Variants in MAP3K9 observed in about 807,000 individuals in gnomAD.
MAP3K9 encodes mitogen-activated protein kinase kinase kinase 9, also known as mixed lineage kinase 1 (tyr and ser/thr specificity).
MAP3K9 carries 46 observed loss-of-function variants against 95.8 expected under a neutral mutation model. That is an observed-to-expected ratio of 0.48 (90% CI 0.38 to 0.61). MAP3K9 has a LOEUF of 0.61. MAP3K9 is among the 20% of genes least tolerant of loss of function. MAP3K9 has a pLI of 0.00. For synonymous variants in MAP3K9, 533 were observed against 593.8 expected (o/e 0.90, Z 1.49); for missense variants, 1,296 against 1,474.3 (o/e 0.88, Z 1.98).
chr14:70,803,848 C>T (rs1013443274), intron 1 of MAP3K9, among the ~76,000 whole-genome samples: 18 of 152,336 alleles, frequency 1.2e-4, no homozygotes, highest in Admixed American at 4.6e-4. Flanking sequence ...AATTTCAGTA[C>T]TACAGAGGCT....
Position 70,732,522 on chromosome 14 carries a change from A to C in MAP3K9, c.2830+17T>G. On this transcript the variant is annotated intron_variant, in intron 11 of 11. Coordinates refer to ENST00000554752, the MANE Select transcript of MAP3K9 (RefSeq NM_001284230.2). ...GAGGCACAAAGAAAGGAAAGAGAAA[A>C]GAGGAAGAAGACTCACCTGCTCCAG... is the stretch of plus-strand genomic sequence containing the variant. The C allele has an allele frequency of 6.6e-7, 1 of 1,522,064 alleles. No individual in the cohort carries two copies. 94.3% of individuals were successfully genotyped at this position (1,522,064 alleles called of 1,614,324 possible). A position where few individuals can be genotyped will look rare whatever the true frequency, so the allele number is the denominator to read the frequency against.
chr14:70,765,552 T>C lies in MAP3K9; in HGVS notation c.821-4370A>G, dbSNP rs146753062. ...TTACTGTACCTTTTCTACGTATAGA[T>C]ACATTTAGGTACACAAAGTCTTAGC... On this transcript the variant is annotated intron_variant, in intron 2 of 11. Transcript: ENST00000554752. The C allele has an allele frequency of 5.3e-5, 32 of 599,752 alleles. No individual in the cohort carries two copies. In the East Asian group the frequency reaches 8.4e-4, roughly 16 times the overall value. 37.2% of individuals were successfully genotyped at this position (599,752 alleles called of 1,614,324 possible). A position where few individuals can be genotyped will look rare whatever the true frequency, so the allele number is the denominator to read the frequency against.
Position 70,722,727 on chromosome 14 carries a change from T to G in MAP3K9, c.*7653A>C, listed in dbSNP as rs2053770538. ...GAACCTGGTAAGTTTCCTTCAGGACTTTTTCATCTTTAAATATTGTTGACA... is the reference window on the plus strand; with the variant it reads ...GAACCTGGTAAGTTTCCTTCAGGACGTTTTCATCTTTAAATATTGTTGACA... On this transcript the variant is annotated 3_prime_UTR_variant, in exon 12 of 12. Transcript: ENST00000554752. The G allele has an allele frequency of 6.7e-6, 1 of 150,304 alleles. No homozygotes were observed. The highest frequency in any genetic ancestry group is 2.1e-4 in the South Asian group (1 of 4,782). 9.3% of individuals were successfully genotyped at this position (150,304 alleles called of 1,614,324 possible).
chr14:70,763,925 C>T (rs963381623), intron 2 of MAP3K9, among the ~76,000 whole-genome samples: 1 of 151,778 alleles, frequency 6.6e-6, no homozygotes, highest in Non-Finnish European at 1.5e-5. Flanking sequence ...GTGGCTCACG[C>T]CTGTAATCCC....
chr14:70,808,080 C>A (rs1372639020), intron 1 of MAP3K9, among the ~76,000 whole-genome samples: 3 of 152,228 alleles, frequency 2.0e-5, no homozygotes, highest in Non-Finnish European at 4.4e-5. Context: ...GGGGGAACGA[C>A]ATACTTTTTC....
intron 2 of MAP3K9, among the ~76,000 whole-genome samples, chr14:70,764,557 G>A (rs986746175): frequency 3.2e-4 from 48 of 151,976 alleles, no homozygotes; most frequent in Non-Finnish European, 7.4e-5. Context: ...TAGGCTGAGG[G>A]TGGTGGCTCA....
chr14:70,798,113 C>G (rs1394764317), intron 2 of MAP3K9, among the ~76,000 whole-genome samples: 2 of 152,228 alleles, frequency 1.3e-5, no homozygotes, highest in Non-Finnish European at 2.9e-5. Context: ...GAATGACACT[C>G]AGGTCTCTTG....
rs762755525 is a variant in MAP3K9 at position 70,761,081 on chromosome 14, T to C, written c.922A>G (p.Ser308Gly). The C allele has an allele frequency of 6.2e-7, 1 of 1,614,076 alleles. No individual in the cohort carries two copies. The highest frequency in any genetic ancestry group is 8.5e-7 in the Non-Finnish European group (1 of 1,179,980). ...AREWHRTTKM[S>G]AAGTYAWMAP... is the part of the protein sequence containing the mutation. ...ATCCAAGCATACGTCCCTGCCGCAC[T>C]CATCTTGGTGGTTCGGTGCCATTCC... Residue 308 changes from serine to glycine, a missense_variant, in exon 3 of 12, where the codon AGT becomes GGT. By Grantham distance (56) the Ser-to-Gly change is moderately conservative. Around this residue, in one of 5 missense-constraint regions of MAP3K9, gnomAD observed 136 missense variants for 221.5 expected, o/e 0.61. Transcript: ENST00000554752.
chr14:70,737,106 T>C (rs1223213054), intron 8 of MAP3K9, among the ~76,000 whole-genome samples: 1 of 152,220 alleles, frequency 6.6e-6, no homozygotes, highest in East Asian at 1.9e-4. Flanking sequence ...CTCGCACTTA[T>C]TTAATAGAAA....
At chr14:70,756,220 A>G (rs1429913269) in intron 3 of MAP3K9, among the ~76,000 whole-genome samples, 1 of 152,034 alleles carries the variant, frequency 6.6e-6, no homozygotes, top group Non-Finnish European at 1.5e-5. Context: ...TTCCCTTCCC[A>G]CTGGGAAGGT....
intron 2 of MAP3K9, among the ~76,000 whole-genome samples, chr14:70,794,224 T>C (rs1885587278): frequency 6.6e-6 from 1 of 152,204 alleles, no homozygotes; most frequent in African/African-American, 2.4e-5. Context: ...TCATTTAAGC[T>C]GACATCTGAA....
intron 2 of MAP3K9, among the ~76,000 whole-genome samples, chr14:70,780,248 G>A (rs1372234439): frequency 2.0e-5 from 3 of 152,178 alleles, no homozygotes; most frequent in Admixed American, 2.0e-4. Context: ...CATGAGGTGT[G>A]GATTTCTGCT....
intron 2 of MAP3K9, among the ~76,000 whole-genome samples, chr14:70,768,105 TA>T (rs1435124761): frequency 6.6e-6 from 1 of 152,130 alleles, no homozygotes; most frequent in Non-Finnish European, 1.5e-5. Flanking sequence ...ACAGGGTGAC[TA>T]TAGTCAAAAT....
At chr14:70,798,436 TAGG>T in intron 2 of MAP3K9, among the ~76,000 whole-genome samples, 1 of 149,998 alleles carries the variant, frequency 6.7e-6, no homozygotes, top group Non-Finnish European at 1.5e-5. Flanking sequence ...AAGCAATCTC[TAGG>T]TAGAAATTAC....
intron 3 of MAP3K9, among the ~76,000 whole-genome samples, chr14:70,757,596 C>T (rs1241125567): frequency 6.6e-6 from 1 of 151,960 alleles, no homozygotes; most frequent in African/African-American, 2.4e-5. Context: ...CTCAGAATGG[C>T]CAAAACAATC....
In MAP3K9 at chr14:70,733,356, A is replaced by G; in HGVS notation, c.2027-14T>C. 9.0e-7 allele frequency: 1 copy of G among 1,111,848 alleles called. No homozygotes were observed. Among genetic ancestry groups the G allele is most frequent in the Non-Finnish European group, 1.3e-6 (1 of 768,600 alleles). 68.9% of individuals were successfully genotyped at this position (1,111,848 alleles called of 1,614,324 possible). A position where few individuals can be genotyped will look rare whatever the true frequency, so the allele number is the denominator to read the frequency against. On this transcript the variant is annotated splice_polypyrimidine_tract_variant and intron_variant, in intron 10 of 11. Transcript: ENST00000554752. ...TGTCCTCATCCTCTGTGAAGATGAC[A>G]AGAGTGGAAGAGAAACAGGAAATGG...
chr14:70,762,850 C>T (rs2139785014), intron 2 of MAP3K9, among the ~76,000 whole-genome samples: 1 of 152,262 alleles, frequency 6.6e-6, no homozygotes, highest in South Asian at 2.1e-4. Flanking sequence ...ATGTTTTCTT[C>T]CAAAAGTTTT....
intron 11 of MAP3K9, among the ~76,000 whole-genome samples, chr14:70,731,800 A>C (rs1000479838): frequency 2.6e-5 from 4 of 152,256 alleles, no homozygotes; most frequent in African/African-American, 7.2e-5. Flanking sequence ...ACTGTTGTTG[A>C]CACTTAAATC....
In MAP3K9 at chr14:70,728,222, A is replaced by T. The variant is rs2053846458; in HGVS notation, c.*2158T>A. On this transcript the variant is annotated 3_prime_UTR_variant, in exon 12 of 12. Coordinates refer to ENST00000554752, the MANE Select transcript of MAP3K9 (RefSeq NM_001284230.2). ...CTGCAACCTCCGCCTCCCAGGTTCAAGCGATTCTCCTGCCTCAGCCTTGCG... is the reference window on the plus strand; with the variant it reads ...CTGCAACCTCCGCCTCCCAGGTTCATGCGATTCTCCTGCCTCAGCCTTGCG... 6.9e-6 allele frequency: 1 copy of T among 144,186 alleles called. No individual in the cohort carries two copies. The allele number at this position is 144,186 out of a possible 1,614,324, so 8.9% of individuals were successfully genotyped here.
Sources: allele counts gnomAD v4.1 joint callset (sites outside exome capture counted in the v4.1 genomes callset), GRCh38; gene constraint gnomAD v4.1.1; regional missense constraint gnomAD v4.1.1; transcripts MANE v1.5; gene names NCBI Gene and HGNC (gene_info 2026-07-23, HGNC 2026-07-21).